The following ADAMTSL3 variants were observed in gnomAD, a reference collection of about 807,000 sequenced individuals.
ADAMTSL3 encodes ADAMTS like 3.
A neutral mutation model predicts 201.7 loss-of-function variants in ADAMTSL3; 128 were observed. The observed-to-expected ratio is 0.63, with a 90% CI of 0.55 to 0.73. ADAMTSL3 has a LOEUF of 0.73. ADAMTSL3 is among the 30% of genes least tolerant of loss of function. ADAMTSL3 has a pLI of 0.00. For synonymous variants in ADAMTSL3, 738 were observed against 748.4 expected (o/e 0.99, Z 0.23); for missense variants, 1,990 against 2,119.6 (o/e 0.94, Z 1.20).
chr15:83,985,093 A>G (rs899921899), intron 21 of ADAMTSL3, among the ~76,000 whole-genome samples: 2 of 152,190 alleles, frequency 1.3e-5, no homozygotes, highest in African/African-American at 4.8e-5. Flanking sequence ...CTTTTTACCC[A>G]TACAAGATTT....
At chr15:83,777,260 C>T (rs1164502492) in intron 4 of ADAMTSL3, among the ~76,000 whole-genome samples, 6 of 152,216 alleles carry the variant, frequency 3.9e-5, no homozygotes, top group Non-Finnish European at 5.9e-5. Flanking sequence ...CACCTGGTAG[C>T]ACTCCACCGT....
chr15:83,694,089 A>G (rs2061648180), intron 2 of ADAMTSL3, among the ~76,000 whole-genome samples: 1 of 152,226 alleles, frequency 6.6e-6, no homozygotes, highest in African/African-American at 2.4e-5. Flanking sequence ...CACTGCCTAG[A>G]TGGGGCCCTG....
chr15:83,984,862 G>A (rs1433644795), intron 21 of ADAMTSL3, among the ~76,000 whole-genome samples: 2 of 152,126 alleles, frequency 1.3e-5, no homozygotes, highest in African/African-American at 4.8e-5. Context: ...TAAAGTATAT[G>A]GAGAAAATAA....
chr15:83,884,767 G>A (rs756364227), intron 9 of ADAMTSL3, among the ~76,000 whole-genome samples: 27 of 152,026 alleles, frequency 1.8e-4, no homozygotes, highest in Non-Finnish European at 3.2e-4. Flanking sequence ...AATCTGTGTC[G>A]TCAAAATTAA....
At chr15:83,969,296 TAGC>T (rs1473264033) in intron 19 of ADAMTSL3, among the ~76,000 whole-genome samples, 3 of 151,950 alleles carry the variant, frequency 2.0e-5, no homozygotes, top group Non-Finnish European at 4.4e-5. Flanking sequence ...ATACAAAAAG[TAGC>T]AGGGTGCAGT....
intron 3 of ADAMTSL3, among the ~76,000 whole-genome samples, chr15:83,707,667 G>A (rs1436470240): frequency 6.6e-6 from 1 of 152,138 alleles, no homozygotes; most frequent in Non-Finnish European, 1.5e-5. Context: ...CATTTTGCCT[G>A]CTTTTAATTT....
intron 4 of ADAMTSL3, among the ~76,000 whole-genome samples, chr15:83,802,513 G>A (rs777491241): frequency 9.2e-5 from 14 of 152,072 alleles, no homozygotes; most frequent in Admixed American, 1.3e-4. Context: ...AATGCCAGCC[G>A]GCAATTAAAA....
chr15:83,803,218 C>T (rs1217542907), intron 4 of ADAMTSL3, among the ~76,000 whole-genome samples: 2 of 152,006 alleles, frequency 1.3e-5, no homozygotes, highest in Non-Finnish European at 2.9e-5. Context: ...GAGTGACTAC[C>T]TCTATACTTC....
Position 83,657,609 on chromosome 15 carries a change from C to G in ADAMTSL3, c.69+1779C>G, listed in dbSNP as rs550910492. On this transcript the variant is annotated intron_variant, in intron 2 of 29. Transcript: ENST00000286744. ...TTGTGAAGTGGAAAAAAGTGAAAAA[C>G]CAAACCAAACAATGTCTGGCACATA... is the stretch of plus-strand genomic sequence containing the variant. Among the ~76,000 whole-genome samples, 6 of 152,328 alleles carry G rather than the reference C, an allele frequency of 3.9e-5. No homozygotes were observed. The East Asian group carries it at 1.2e-3, about 29-fold the overall frequency.
intron 3 of ADAMTSL3, among the ~76,000 whole-genome samples, chr15:83,739,065 G>A (rs2062413069): frequency 6.6e-6 from 1 of 151,446 alleles, no homozygotes; most frequent in Non-Finnish European, 1.5e-5. Context: ...TAAAATAGCA[G>A]AAAAATCTAA....
At chr15:83,998,844 A>G (rs2067737981) in intron 23 of ADAMTSL3, among the ~76,000 whole-genome samples, 1 of 152,190 alleles carries the variant, frequency 6.6e-6, no homozygotes, top group Non-Finnish European at 1.5e-5. Flanking sequence ...TTAAATATGG[A>G]AGGACCTTAG....
intron 23 of ADAMTSL3, among the ~76,000 whole-genome samples, chr15:83,999,094 C>A (rs1254354464): frequency 6.6e-6 from 1 of 152,158 alleles, no homozygotes; most frequent in Admixed American, 6.5e-5. Flanking sequence ...AAAAAATTCC[C>A]ATAATCCTGT....
Position 83,897,931 on chromosome 15 carries a change from G to A in ADAMTSL3, c.1541G>A (p.Gly514Glu), listed in dbSNP as rs1485672685. The A allele has an allele frequency of 6.2e-7, 1 of 1,613,854 alleles. No individual in the cohort carries two copies. Among genetic ancestry groups the A allele is most frequent in the East Asian group, 2.2e-5 (1 of 44,868 alleles). ...ATTAACCACCGCGGAGAGCATGTTGGGGGCTGCAATCCACAACTGAAGTTA... is the reference window on the plus strand; with the variant it reads ...ATTAACCACCGCGGAGAGCATGTTGAGGGCTGCAATCCACAACTGAAGTTA... ...LCINHRGEHV[G>E]GCNPQLKLHI... The change falls in exon 14 of 30, where the codon GGG becomes GAG. Residue 514 changes from glycine to glutamate, a missense_variant. Gly to Glu is a moderately conservative substitution (Grantham distance 98). Transcript: ENST00000286744.
chr15:84,033,275 C>T (rs1289027956), intron 28 of ADAMTSL3, among the ~76,000 whole-genome samples: 4 of 152,116 alleles, frequency 2.6e-5, no homozygotes, highest in African/African-American at 7.2e-5. Context: ...CCTACCACCA[C>T]CACAACCCAT....
chr15:83,901,359 G>A (rs2065720492), intron 15 of ADAMTSL3, among the ~76,000 whole-genome samples: 1 of 151,974 alleles, frequency 6.6e-6, no homozygotes, highest in Non-Finnish European at 1.5e-5. Context: ...AAGGAGGAAG[G>A]AGTTTAAGGA....
At chr15:83,723,762 T>C (rs1426161) in intron 3 of ADAMTSL3, among the ~76,000 whole-genome samples, 60,550 of 151,942 alleles carry the variant, frequency 0.4, 13,094 homozygotes, top group South Asian at 0.63. Context: ...ATAACAGTGG[T>C]TATCACTGGG....
intron 3 of ADAMTSL3, among the ~76,000 whole-genome samples, chr15:83,753,730 G>C (rs929936267): frequency 6.6e-6 from 1 of 152,062 alleles, no homozygotes; most frequent in African/African-American, 2.4e-5. Context: ...TTATGGTTTG[G>C]GGTATGTTGA....
intron 23 of ADAMTSL3, among the ~76,000 whole-genome samples, chr15:84,000,513 C>T (rs919751336): frequency 6.6e-6 from 1 of 152,122 alleles, no homozygotes. Context: ...ATTCACTAAG[C>T]ATTTACTAAG....
At chr15:84,028,641 A>G (rs966271693) in intron 27 of ADAMTSL3, among the ~76,000 whole-genome samples, 5 of 152,226 alleles carry the variant, frequency 3.3e-5, no homozygotes, top group East Asian at 1.9e-4. Flanking sequence ...CTTAAACCCA[A>G]TTGATTCAAG....
Sources: allele counts gnomAD v4.1 joint callset (sites outside exome capture counted in the v4.1 genomes callset), GRCh38; gene constraint gnomAD v4.1.1; transcripts MANE v1.5; gene names NCBI Gene and HGNC (gene_info 2026-07-23, HGNC 2026-07-21).